CELSR1: variants seen among roughly 807,000 people sequenced by gnomAD.
CELSR1 encodes cadherin EGF LAG seven-pass G-type receptor 1.
Under a neutral mutation model 249.1 loss-of-function variants are expected in CELSR1, and 110 were observed. The observed-to-expected ratio is 0.44, with a 90% confidence interval of 0.38 to 0.52. CELSR1 has a LOEUF of 0.52. CELSR1 is among the 20% of genes least tolerant of loss of function. The probability of loss-of-function intolerance (pLI) is 0.00; values close to 1 mark genes in which losing one functional copy is unlikely to be tolerated. For synonymous variants in CELSR1, 2,113 were observed against 1,900.0 expected, an observed-to-expected ratio of 1.11 and a Z score of -2.92; for missense variants, 4,109 against 4,296.4, an observed-to-expected ratio of 0.96 and a Z score of 1.22.
Position 46,414,179 on chromosome 22 carries a change from G to A in CELSR1, c.4612-2420C>T, listed in dbSNP as rs11914144. The stretch of plus-strand genomic sequence containing the variant: ...GACACCTGACTTCAGTCTGGCCTTC[G>A]TGAATCAGAGCAGCAGGCACAGGGC... On this transcript the variant is annotated intron_variant, in intron 5 of 34. Transcript: ENST00000674500. Among the ~76,000 whole-genome samples the A allele has an allele frequency of 1.1e-3, 168 of 152,308 alleles. 1 individual carries two copies. Among genetic ancestry groups the A allele is most frequent in the African/African-American group, 3.7e-3 (155 of 41,542 alleles).
At chr22:46,392,944 A>G (rs1014632564) in intron 14 of CELSR1, among the ~76,000 whole-genome samples, 2 of 152,148 alleles carry the variant, frequency 1.3e-5, no homozygotes, top group Non-Finnish European at 2.9e-5. Flanking sequence ...CCACTATGCC[A>G]CCACCGCCAT....
Position 46,410,033 on chromosome 22 carries a change from G to A in CELSR1, c.4934-153C>T, listed in dbSNP as rs1028961349. 6.6e-6 allele frequency among the ~76,000 whole-genome samples: 1 copy of A among 152,216 alleles called. No homozygotes were observed. The highest frequency in any genetic ancestry group is 6.5e-5 in the Admixed American group (1 of 15,292). On this transcript the variant is annotated intron_variant, in intron 7 of 34. Transcript: ENST00000674500. The surrounding 1 kb of genome is among the most constrained non-coding windows in gnomAD (Gnocchi z 6.8). ...ACGCCCCTGGCAACGGCAGGAACAT[G>A]GGAACTAAGAAGGTGCTGAACGCAC...
chr22:46,384,126 G>A (rs186096064), intron 20 of CELSR1, among the ~76,000 whole-genome samples: 119 of 152,024 alleles, frequency 7.8e-4, no homozygotes, highest in Middle Eastern at 3.5e-3. Context: ...AGTAGAGACG[G>A]GGTTTTACCA....
intron 20 of CELSR1, among the ~76,000 whole-genome samples, chr22:46,382,615 C>G (rs1433689797): frequency 6.6e-6 from 1 of 152,160 alleles, no homozygotes; most frequent in African/African-American, 2.4e-5. Flanking sequence ...ACAGCAGCAC[C>G]ATTCACACAG....
intron 23 of CELSR1, 93 bp downstream of exon 23, chr22:46,378,498 C>T (rs573025278): frequency 2.1e-5 from 29 of 1,370,184 alleles, no homozygotes; most frequent in Middle Eastern, 2.0e-4. Flanking sequence ...GGTTTGAGGA[C>T]GGGCAGGTTT....
chr22:46,494,018 T>C (rs1293367419), intron 1 of CELSR1, among the ~76,000 whole-genome samples: 1 of 152,170 alleles, frequency 6.6e-6, no homozygotes, highest in African/African-American at 2.4e-5. Context: ...CAAAAAAGAA[T>C]ATTAAGAATG....
At position 46,455,196 on chromosome 22, in the gene CELSR1, T is replaced by C. The variant is rs190850253; in HGVS notation, c.4183+8511A>G. On this transcript the variant is annotated intron_variant, in intron 2 of 34. Coordinates refer to ENST00000674500, the MANE Select transcript of CELSR1 (RefSeq NM_001378328.1). ...GCCCTGCAGGGACCTTGGCTTTGAATTTCTGGCCTCCAGAACAGTAAGACA... is the reference window on the plus strand; with the variant it reads ...GCCCTGCAGGGACCTTGGCTTTGAACTTCTGGCCTCCAGAACAGTAAGACA... Among the ~76,000 whole-genome samples the C allele has an allele frequency of 3.9e-5, 6 of 152,304 alleles. No individual in the cohort carries two copies. The East Asian group carries it at 9.7e-4, about 25-fold the overall frequency.
rs139696513 is a variant in CELSR1, at chr22:46,481,188, T to G, written c.3545-16843A>C. 1,076 of 235,676 alleles carry G rather than the reference T, an allele frequency of 4.6e-3. 3 individuals are homozygous for G. The highest frequency in any genetic ancestry group is 7.2e-3 in the Non-Finnish European group (862 of 119,132). The allele number at this position is 235,676 out of a possible 1,614,324, so 14.6% of individuals were successfully genotyped here. A position where few individuals can be genotyped will look rare whatever the true frequency, so the allele number is the denominator to read the frequency against. On this transcript the variant is annotated intron_variant, in intron 1 of 34. Coordinates refer to ENST00000674500, the MANE Select transcript of CELSR1 (RefSeq NM_001378328.1). ...AGGTGGAGGTTGCAGTGAGCTGAGATCGTGCCACTGCACTCCAGCCTTCCA... is the reference window on the plus strand; with the variant it reads ...AGGTGGAGGTTGCAGTGAGCTGAGAGCGTGCCACTGCACTCCAGCCTTCCA...
At chr22:46,530,314 T>A (rs985157479) in intron 1 of CELSR1, 8 of 149,930 alleles carry the variant, frequency 5.3e-5, no homozygotes, top group Non-Finnish European at 1.2e-4. Context: ...TAAATTTGTG[T>A]ATATAATTTA....
chr22:46,400,056 G>T, intron 9 of CELSR1, 154 bp from the exon 10 acceptor site: 1 of 755,124 alleles, frequency 1.3e-6, no homozygotes, highest in Non-Finnish European at 2.1e-6. Context: ...TTGGCCAGGT[G>T]CGGTGGCTCA....
Position 46,534,607 on chromosome 22 carries a change from T to C in CELSR1, c.2564A>G (p.Gln855Arg). ...CATGATGGTCAGCGTGTAGGCGACC[T>C]GGTTCTCATAGTCCAGCTCCATCAT... ...YTMMELDYENQVAYTLTIMAQ... is the reference protein window; with the variant it reads ...YTMMELDYENRVAYTLTIMAQ... Residue 855 changes from glutamine (Q) to arginine (R), a missense_variant, in exon 1 of 35, where the codon CAG (glutamine) becomes CGG (arginine). Around this residue, in one of 7 missense-constraint regions of CELSR1, gnomAD observed 886 missense variants for 896.5 expected, o/e 0.99. Transcript: ENST00000674500. This position sits in a 1 kb window ranked among gnomAD's most constrained non-coding sequence, Gnocchi z 9.7. The C allele has an allele frequency of 2.5e-6, 4 of 1,613,886 alleles. No individual in the cohort carries two copies. The highest frequency in any genetic ancestry group is 1.3e-5 in the African/African-American group (1 of 75,040).
rs1286024751 is a variant in CELSR1 at position 46,398,715 on chromosome 22, C to G, written c.5413-78G>C. The G allele has an allele frequency of 1.6e-5, 19 of 1,161,552 alleles. No individual in the cohort carries two copies. In the Admixed American group the frequency reaches 3.9e-4, roughly 24 times the overall value. 72.0% of individuals were successfully genotyped at this position (1,161,552 alleles called of 1,614,324 possible). On this transcript the variant is annotated intron_variant, in intron 10 of 34. Coordinates refer to ENST00000674500, the MANE Select transcript of CELSR1 (RefSeq NM_001378328.1). The surrounding 1 kb of genome is among the most constrained non-coding windows in gnomAD (Gnocchi z 7.2). ...ACGTCTCTCAGATGGGAAGGATACA[C>G]TGGAAGTCTAAACAGTCACTTCAAC...
At position 46,391,081 on chromosome 22, in the gene CELSR1, G is replaced by T. The variant is rs968596317; in HGVS notation, c.6250+105C>A. ...ATTTCTCCCCAGCACTTTGCCTGCG[G>T]ATATTTTTTCAACACGAAACATTCC... On this transcript the variant is annotated intron_variant, in intron 16 of 34. Transcript: ENST00000674500. The surrounding 1 kb of genome is among the most constrained non-coding windows in gnomAD (Gnocchi z 4.3). 86 of 919,110 alleles carry T rather than the reference G, an allele frequency of 9.4e-5. No homozygotes were observed. Among genetic ancestry groups the T allele is most frequent in the Non-Finnish European group, 1.3e-4 (77 of 602,716 alleles). The allele number at this position is 919,110 out of a possible 1,614,324, so 56.9% of individuals were successfully genotyped here.
intron 1 of CELSR1, among the ~76,000 whole-genome samples, chr22:46,492,833 G>C (rs1312235489): frequency 6.6e-6 from 1 of 152,124 alleles, no homozygotes; most frequent in Non-Finnish European, 1.5e-5. Flanking sequence ...ACTCCAGTTT[G>C]GGCGACAGTG....
Position 46,364,680 on chromosome 22 carries a change from T to C in CELSR1, c.8611A>G (p.Ser2871Gly). Residue 2871 changes from serine to glycine, a missense_variant, in exon 33 of 35, where the codon AGT (serine) becomes GGT (glycine). Physicochemically the swap from Ser to Gly is moderately conservative, Grantham distance 56. This residue lies in a region of CELSR1 where 1,805 missense variants were observed against 1,831.6 expected (regional missense o/e 0.99). Transcript: ENST00000674500. The part of the protein sequence containing the change: ...AGWPDQSLAE[S>G]DSEDPSGKPR... ...TTGCCGCTGGGGTCCTCACTGTCAC[T>C]CTCAGCCAGGCTCTGGTCGGGCCAG... 1 of 1,612,556 alleles carries C rather than the reference T, an allele frequency of 6.2e-7. No individual in the cohort carries two copies. Among genetic ancestry groups the C allele is most frequent in the Non-Finnish European group, 8.5e-7 (1 of 1,179,878 alleles).
At position 46,490,741 on chromosome 22, in the gene CELSR1, C is replaced by T. The variant is rs902057586; in HGVS notation, c.3545-26396G>A. On this transcript the variant is annotated intron_variant, in intron 1 of 34. Transcript: ENST00000674500. This position sits in a 1 kb window ranked among gnomAD's most constrained non-coding sequence, Gnocchi z 5.2. ...AATCTACAAAACCAACTCCTGCAGC[C>T]ACCACAGGGTGCAGAGTGAGTTTCT... Among the ~76,000 whole-genome samples, 1 of 152,132 alleles carries T rather than the reference C, an allele frequency of 6.6e-6. No homozygotes were observed. The highest frequency in any genetic ancestry group is 2.4e-5 in the African/African-American group (1 of 41,412).
chr22:46,478,209 C>T lies in CELSR1; in HGVS notation c.3545-13864G>A, dbSNP rs1365921215. On this transcript the variant is annotated intron_variant, in intron 1 of 34. Coordinates refer to ENST00000674500, the MANE Select transcript of CELSR1 (RefSeq NM_001378328.1). ...CCACTCGGGCCTCTGCGCCTCCCGA[C>T]AGCGCCGTCTGGGGCATTCCCCTGC... Among the ~76,000 whole-genome samples the T allele has an allele frequency of 5.3e-5, 8 of 152,348 alleles. No homozygotes were observed. In the East Asian group the frequency reaches 1.5e-3, roughly 29 times the overall value.
rs139332584 is a variant in CELSR1 at position 46,428,349 on chromosome 22, C to T, written c.4611+5044G>A. Among the ~76,000 whole-genome samples the T allele has an allele frequency of 5.6e-4, 85 of 152,334 alleles. No homozygotes were observed. The highest frequency in any genetic ancestry group is 3.4e-3 in the Middle Eastern group (1 of 294). ...AGCCACCCGTGGCCAGCATGGCGATCGCGACCAGCACAGCATCGTCCCCGG... is the reference window on the plus strand; with the variant it reads ...AGCCACCCGTGGCCAGCATGGCGATTGCGACCAGCACAGCATCGTCCCCGG... On this transcript the variant is annotated intron_variant, in intron 5 of 34. Coordinates refer to ENST00000674500, the MANE Select transcript of CELSR1 (RefSeq NM_001378328.1). This position sits in a 1 kb window ranked among gnomAD's most constrained non-coding sequence, Gnocchi z 5.7.
Position 46,382,014 on chromosome 22 carries a change from G to T in CELSR1, c.6920C>A (p.Thr2307Asn). 6.4e-7 allele frequency: 1 copy of T among 1,558,048 alleles called. No homozygotes were observed. Among genetic ancestry groups the T allele is most frequent in the South Asian group, 1.2e-5 (1 of 84,898 alleles). The change falls in exon 21 of 35, where the codon ACC becomes AAC. Residue 2307 changes from threonine (T) to asparagine (N), a missense_variant. Around this residue, in one of 7 missense-constraint regions of CELSR1, gnomAD observed 1,805 missense variants for 1,831.6 expected, o/e 0.99. Coordinates refer to ENST00000674500, the MANE Select transcript of CELSR1 (RefSeq NM_001378328.1). ...AGGCCCCGGGCGCGTGGTCTGCGGG[G>T]TGGTCCTCCGGCCAGCCGGCCTCAG... The part of the protein sequence containing the change: ...PLLRPAGRRT[T>N]PQTTRPGPGT...
Sources: allele counts gnomAD v4.1 joint callset (sites outside exome capture counted in the v4.1 genomes callset), GRCh38; gene constraint gnomAD v4.1.1; regional missense constraint gnomAD v4.1.1; non-coding constraint Gnocchi (gnomAD v3.1); transcripts MANE v1.5; gene names NCBI Gene and HGNC (gene_info 2026-07-23, HGNC 2026-07-21).